CCDC73: variants seen among roughly 807,000 people sequenced by gnomAD.
CCDC73 encodes the protein coiled-coil domain-containing protein 73.
A neutral mutation model predicts 116.5 loss-of-function variants in CCDC73; 95 were observed. That is an observed-to-expected ratio of 0.82 (90% CI 0.69 to 0.97). The LOEUF (loss-of-function observed/expected upper bound fraction) is 0.97. CCDC73 is among the 50% of genes least tolerant of loss of function. CCDC73 has a pLI of 0.00. For missense variants in CCDC73, 1,066 were observed against 1,206.8 expected (o/e 0.88, Z 1.73); for synonymous variants, 398 against 401.3 (o/e 0.99, Z 0.10).
At chr11:32,702,740 C>T in intron 4 of CCDC73, 133 bp downstream of exon 4, 1 of 687,404 alleles carries the variant, frequency 1.5e-6, no homozygotes, top group Non-Finnish European at 2.6e-6. Flanking sequence ...TTATTCATTT[C>T]CTACTTCCCA....
upstream of CCDC73, among the ~76,000 whole-genome samples, chr11:32,798,725 C>A (rs1850747512): frequency 6.6e-6 from 1 of 152,310 alleles, no homozygotes; most frequent in Non-Finnish European, 1.5e-5. Flanking sequence ...CATCTAACTC[C>A]AAGCACAGGT....
the CCDC73 span, among the ~76,000 whole-genome samples, chr11:32,815,260 A>G: frequency 6.6e-6 from 1 of 152,232 alleles, no homozygotes; most frequent in African/African-American, 2.4e-5. Flanking sequence ...GTGTTCCTCC[A>G]AAGTTAAAAT....
At chr11:32,642,289 G>T (rs995207036) in intron 12 of CCDC73, among the ~76,000 whole-genome samples, 6 of 151,922 alleles carry the variant, frequency 3.9e-5, no homozygotes, top group Non-Finnish European at 7.4e-5. Context: ...TTTTGATAAA[G>T]AAATGGCTAT....
the CCDC73 span, among the ~76,000 whole-genome samples, chr11:32,823,294 T>C: frequency 0.1 from 15,612 of 152,064 alleles, 844 homozygotes; most frequent in Non-Finnish European, 0.13. Flanking sequence ...ACTAACATGG[T>C]GAAACCCCGT....
chr11:32,699,492 A>G (rs4755378), intron 5 of CCDC73, among the ~76,000 whole-genome samples, 167 bp from the exon 6 acceptor site: 15,435 of 152,198 alleles, frequency 0.1, 1,055 homozygotes, highest in Non-Finnish European at 0.15. Context: ...CCAAAATCTC[A>G]ATGATAGACT....
intron 12 of CCDC73, among the ~76,000 whole-genome samples, chr11:32,645,784 T>C (rs1239342467): frequency 6.6e-6 from 1 of 152,180 alleles, no homozygotes; most frequent in Non-Finnish European, 1.5e-5. Context: ...GAGTAATGTG[T>C]TGTGCTATGA....
chr11:32,756,635 T>C (rs1850346465), intron 2 of CCDC73, among the ~76,000 whole-genome samples: 2 of 151,672 alleles, frequency 1.3e-5, no homozygotes, highest in Admixed American at 6.6e-5. Context: ...CCTACTTAAC[T>C]GAAGAATATC....
intron 11 of CCDC73, 39 bp downstream of exon 11, chr11:32,653,939 G>T: frequency 6.4e-7 from 1 of 1,570,908 alleles, no homozygotes; most frequent in South Asian, 1.2e-5. Context: ...CTGATTTTTA[G>T]AATATTTACT....
chr11:32,739,291 G>C (rs1198582397), intron 2 of CCDC73, among the ~76,000 whole-genome samples: 1 of 151,916 alleles, frequency 6.6e-6, no homozygotes, highest in Non-Finnish European at 1.5e-5. Flanking sequence ...GGGTAGTATG[G>C]GCATTTGAAC....
chr11:32,710,045 T>A (rs545073343), intron 3 of CCDC73, among the ~76,000 whole-genome samples: 14 of 152,236 alleles, frequency 9.2e-5, no homozygotes, highest in Non-Finnish European at 1.8e-4. Flanking sequence ...GTATCAGTTG[T>A]AGCATCCCCT....
At chr11:32,659,627 AGTATTTGGTAATGAAAAACACAAAGT>A (rs1855904068) in intron 9 of CCDC73, among the ~76,000 whole-genome samples, 1 of 152,202 alleles carries the variant, frequency 6.6e-6, no homozygotes, top group South Asian at 2.1e-4. Flanking sequence ...TACAAAACAC[AGTATTTGGTAATGAAAAACACAAAGT>A]GTCAGTAACA....
intron 2 of CCDC73, among the ~76,000 whole-genome samples, chr11:32,731,446 T>C (rs967825321): frequency 6.6e-6 from 1 of 151,890 alleles, no homozygotes; most frequent in Non-Finnish European, 1.5e-5. Context: ...AGCACGGAGT[T>C]TGAGAATGGA....
intron 9 of CCDC73, 26 bp downstream of exon 9, chr11:32,675,539 G>A: frequency 1.5e-6 from 2 of 1,344,106 alleles, no homozygotes; most frequent in Non-Finnish European, 2.1e-6. Flanking sequence ...TTTTTACTTA[G>A]TAGTGTGAAA....
chr11:32,676,061 C>T, intron 7 of CCDC73, 40 bp from the exon 8 acceptor site: 2 of 1,493,826 alleles, frequency 1.3e-6, no homozygotes, highest in African/African-American at 1.4e-5. Flanking sequence ...ACATATAACA[C>T]ACACACATCG....
chr11:32,688,234 G>A (rs140571839), intron 6 of CCDC73, among the ~76,000 whole-genome samples: 12 of 152,230 alleles, frequency 7.9e-5, no homozygotes, highest in African/African-American at 2.9e-4. Flanking sequence ...TGAACTATCT[G>A]ATAGGATTCA....
chr11:32,712,500 A>G (rs1849908624), intron 3 of CCDC73, among the ~76,000 whole-genome samples: 1 of 152,160 alleles, frequency 6.6e-6, no homozygotes, highest in Non-Finnish European at 1.5e-5. Context: ...ATATACATAC[A>G]CAGGTGTATC....
At position 32,654,801 on chromosome 11, in the gene CCDC73, T is replaced by C. The variant is rs554469477; in HGVS notation, c.774+43A>G. The stretch of plus-strand genomic sequence containing the variant: ...AATTCTGAAATTCTCATAAGTTTTA[T>C]TGAAAATATTAATGTTATAAACAAA... On this transcript the variant is annotated intron_variant, in intron 10 of 17. Coordinates refer to ENST00000335185, the MANE Select transcript of CCDC73 (RefSeq NM_001008391.4). 5.8e-5 allele frequency: 76 copies of C among 1,307,208 alleles called. 1 individual carries two copies. Among genetic ancestry groups the C allele is most frequent in the Middle Eastern group, 2.7e-4 (1 of 3,700 alleles). The allele number at this position is 1,307,208 out of a possible 1,614,324, so 81.0% of individuals were successfully genotyped here. A position where few individuals can be genotyped will look rare whatever the true frequency, so the allele number is the denominator to read the frequency against.
At position 32,615,973 on chromosome 11, in the gene CCDC73, C is replaced by A; in HGVS notation, c.1342G>T (p.Glu448Ter). ...TEYREKEEKK[E>*]GSFIEEIIID... is the part of the protein sequence containing the mutation. ...ATTATTTCCTCTATAAATGAGCCTT[C>A]TTTTTTTTCTTCTTTTTCTCTGTAT... is the stretch of plus-strand genomic sequence containing the variant. The change falls in exon 15 of 18, where the codon GAA (glutamate) becomes TAA (stop). Residue 448 changes from glutamate (E) to a stop codon, truncating the protein, a stop_gained. Coordinates refer to ENST00000335185, the MANE Select transcript of CCDC73 (RefSeq NM_001008391.4). LOFTEE classifies it high-confidence loss of function. 6.3e-7 allele frequency: 1 copy of A among 1,582,238 alleles called. No homozygotes were observed. Among genetic ancestry groups the A allele is most frequent in the Non-Finnish European group, 8.6e-7 (1 of 1,160,530 alleles).
At chr11:32,638,426 T>C (rs1049188714) in intron 13 of CCDC73, among the ~76,000 whole-genome samples, 2 of 152,224 alleles carry the variant, frequency 1.3e-5, no homozygotes, top group Non-Finnish European at 2.9e-5. Flanking sequence ...GAGCAGACTA[T>C]TCATGGTCCT....
Sources: gnomAD v4.1 joint callset for allele counts (sites outside exome capture counted in the v4.1 genomes callset) on GRCh38, gnomAD v4.1.1 for gene constraint, MANE v1.5 for transcripts, NCBI Gene and HGNC (gene_info 2026-07-23, HGNC 2026-07-21) for gene names.